The following GLYATL2 variants were observed in gnomAD, a reference collection of about 807,000 sequenced individuals.
GLYATL2 encodes glycine-N-acyltransferase like 2.
A neutral mutation model predicts 21.4 loss-of-function variants in GLYATL2; 25 were observed. The ratio of observed to expected loss-of-function variants is 1.17; its 90% CI spans 0.85 to 1.63. The LOEUF is 1.63. Ranked by LOEUF, GLYATL2 falls within the 40% of genes most tolerant of loss-of-function variation. The pLI is 0.00. For synonymous variants in GLYATL2, 114 were observed against 118.2 expected (o/e 0.96, Z 0.23); for missense variants, 361 against 343.3 (o/e 1.05, Z -0.41).
chr11:58,884,926 AG>A, intron 1 of GLYATL2: 1 of 158,378 alleles, frequency 6.3e-6, no homozygotes. Context: ...GAAGGGCTCA[AG>A]GAATGAAGCA....
chr11:58,839,463 G>A (rs146883971), intron 2 of GLYATL2, 72 bp downstream of exon 2: 7 of 869,758 alleles, frequency 8.0e-6, no homozygotes, highest in Non-Finnish European at 1.3e-5. Context: ...CCCCATTAAG[G>A]TTATGAATCC....
intron 1 of GLYATL2, among the ~76,000 whole-genome samples, chr11:58,857,206 G>C (rs1399275556): frequency 2.0e-5 from 3 of 152,174 alleles, no homozygotes; most frequent in African/African-American, 7.2e-5. Flanking sequence ...CTTGATAATA[G>C]CAATTCTAAA....
chr11:58,900,030 G>A (rs1854709222), intron 1 of GLYATL2, among the ~76,000 whole-genome samples: 1 of 152,098 alleles, frequency 6.6e-6, no homozygotes, highest in Admixed American at 6.5e-5. Flanking sequence ...GGGGGAGATC[G>A]AAACCATGCG....
chr11:58,877,843 A>T (rs1275603444), intron 1 of GLYATL2, among the ~76,000 whole-genome samples: 2 of 152,260 alleles, frequency 1.3e-5, no homozygotes, highest in Non-Finnish European at 2.9e-5. Flanking sequence ...AGCAAACTAA[A>T]TACAGTCTGA....
chr11:58,848,120 T>C (rs1048022670), upstream of GLYATL2, among the ~76,000 whole-genome samples: 4 of 150,844 alleles, frequency 2.7e-5, no homozygotes, highest in African/African-American at 9.7e-5. Context: ...TTTATGAGTC[T>C]TCAAAAACCA....
Position 58,834,404 on chromosome 11 carries a change from G to T in GLYATL2, c.*25C>A, listed in dbSNP as rs867730124. ...TTAATGTTTTTTTACTGATAAGAAA[G>T]ATTTGAAATGGACAGTGGAATCAAT... On this transcript the variant is annotated 3_prime_UTR_variant, in exon 6 of 6. Coordinates refer to ENST00000287275, the MANE Select transcript of GLYATL2 (RefSeq NM_145016.4). 2 of 1,530,808 alleles carry T rather than the reference G, an allele frequency of 1.3e-6. No individual in the cohort carries two copies. Among genetic ancestry groups the T allele is most frequent in the Non-Finnish European group, 1.8e-6 (2 of 1,139,644 alleles). 94.8% of individuals were successfully genotyped at this position (1,530,808 alleles called of 1,614,324 possible).
At chr11:58,845,313 T>C (rs538981146), upstream of GLYATL2, among the ~76,000 whole-genome samples, 83 of 152,276 alleles carry the variant, frequency 5.5e-4, no homozygotes, top group African/African-American at 1.9e-3. Context: ...AGTTATAAAA[T>C]TTTTATACTG....
At chr11:58,871,796 C>T (rs1456523067) in intron 1 of GLYATL2, among the ~76,000 whole-genome samples, 3 of 152,116 alleles carry the variant, frequency 2.0e-5, no homozygotes, top group Non-Finnish European at 4.4e-5. Context: ...TGGGTATATA[C>T]CCAGTAATGG....
intron 1 of GLYATL2, among the ~76,000 whole-genome samples, chr11:58,843,888 A>C (rs967510722): frequency 1.3e-5 from 2 of 152,160 alleles, no homozygotes; most frequent in African/African-American, 4.8e-5. Flanking sequence ...TTCAGGTACC[A>C]CAGACATGAA....
At chr11:58,844,375 A>G (rs1225442947) in intron 1 of GLYATL2, 59 bp downstream of exon 1, 1 of 152,248 alleles carries the variant, frequency 6.6e-6, no homozygotes, top group Non-Finnish European at 1.5e-5. Flanking sequence ...ATTTAGAACA[A>G]GAATCCAAAT....
chr11:58,861,821 A>G (rs1380269585), intron 1 of GLYATL2, among the ~76,000 whole-genome samples: 1 of 151,904 alleles, frequency 6.6e-6, no homozygotes, highest in Non-Finnish European at 1.5e-5. Flanking sequence ...ATTTTCATGT[A>G]TTTGTGAATT....
At chr11:58,880,142 G>A (rs2134610979) in intron 1 of GLYATL2, among the ~76,000 whole-genome samples, 1 of 152,308 alleles carries the variant, frequency 6.6e-6, no homozygotes, top group East Asian at 1.9e-4. Flanking sequence ...ACAGGCGTGA[G>A]CCACCGTGCC....
At chr11:58,905,312 C>T, upstream of GLYATL2, 1 of 391,128 alleles carries the variant, frequency 2.6e-6, no homozygotes, top group East Asian at 7.3e-5. Context: ...GCAGCCTGCT[C>T]TGCGACTTGC....
rs571743259 is a variant in GLYATL2, at chr11:58,896,657, G to T, written n.60+7499C>A. Among the ~76,000 whole-genome samples the T allele has an allele frequency of 8.5e-5, 13 of 152,328 alleles. No homozygotes were observed. In the East Asian group the frequency reaches 2.5e-3, roughly 29 times the overall value. ...AGATGGAGTAGGGACGGGTTTATTA[G>T]AGAGGCTGCAATAAAAGCATATCCT... On this transcript the variant is annotated intron_variant and non_coding_transcript_variant, in intron 1 of 4. Coordinates refer to the GLYATL2 transcript ENST00000533636.
chr11:58,851,397 T>G (rs1386129567), intron 1 of GLYATL2, among the ~76,000 whole-genome samples: 1 of 152,164 alleles, frequency 6.6e-6, no homozygotes. Flanking sequence ...CACTGGTTGA[T>G]TTGCATATTT....
intron 1 of GLYATL2, among the ~76,000 whole-genome samples, chr11:58,902,538 G>A (rs189455721): frequency 6.6e-6 from 1 of 152,296 alleles, no homozygotes; most frequent in East Asian, 1.9e-4. Flanking sequence ...TACTGTTAGA[G>A]TTTAGAAGCA....
intron 1 of GLYATL2, among the ~76,000 whole-genome samples, chr11:58,880,532 AT>A (rs1337949708): frequency 6.6e-6 from 1 of 152,128 alleles, no homozygotes; most frequent in Non-Finnish European, 1.5e-5. Flanking sequence ...AACTTACAAA[AT>A]TTTTACCAAA....
intron 1 of GLYATL2, among the ~76,000 whole-genome samples, chr11:58,902,837 A>G (rs1255938125): frequency 6.6e-6 from 1 of 152,242 alleles, no homozygotes; most frequent in Non-Finnish European, 1.5e-5. Flanking sequence ...CAACTTCCAC[A>G]GCCCCATGTA....
At chr11:58,867,337 G>A (rs1224172901) in intron 1 of GLYATL2, among the ~76,000 whole-genome samples, 1 of 149,124 alleles carries the variant, frequency 6.7e-6, no homozygotes, top group Non-Finnish European at 1.5e-5. Flanking sequence ...ATTCAGGGTG[G>A]ACTCTTGGCA....
Sources: gnomAD v4.1 joint callset for allele counts (sites outside exome capture counted in the v4.1 genomes callset) on GRCh38, gnomAD v4.1.1 for gene constraint, MANE v1.5 for transcripts, NCBI Gene and HGNC (gene_info 2026-07-23, HGNC 2026-07-21) for gene names.